GTPBP1: variants seen among roughly 807,000 people sequenced by gnomAD.
GTPBP1 encodes the protein GTP binding protein 1.
GTPBP1 carries 23 observed loss-of-function variants against 62.0 expected under a neutral mutation model. That is an observed-to-expected ratio of 0.37 (90% confidence interval 0.27 to 0.53). The LOEUF (loss-of-function observed/expected upper bound fraction) is 0.53, where lower values mean the gene tolerates loss of function less well. GTPBP1 is among the 20% of genes least tolerant of loss of function. The pLI, the probability that GTPBP1 is intolerant of heterozygous loss-of-function variation, is 0.89. For missense variants in GTPBP1, 640 were observed against 917.3 expected, an observed-to-expected ratio of 0.70 and a Z score of 3.90; for synonymous variants, 344 against 364.4, an observed-to-expected ratio of 0.94 and a Z score of 0.64.
chr22:38,714,303 A>AC (rs1235142339), intron 2 of GTPBP1, among the ~76,000 whole-genome samples: 4 of 151,654 alleles, frequency 2.6e-5, no homozygotes, highest in African/African-American at 9.7e-5. Context: ...GCATGGTGAA[A>AC]CCCCGTCTCT....
chr22:38,711,883 T>C (rs2092642487), intron 2 of GTPBP1, among the ~76,000 whole-genome samples: 1 of 151,842 alleles, frequency 6.6e-6, no homozygotes, highest in African/African-American at 2.4e-5. Context: ...ATTTTAAAAT[T>C]ATTATTATTA....
rs1337026696 is a variant in GTPBP1 at position 38,731,013 on chromosome 22, TG to T, written c.*310del. 1.5e-3 allele frequency: 254 copies of T among 170,344 alleles called. No individual in the cohort carries two copies. The highest frequency in any genetic ancestry group is 0.01 in the African/African-American group (243 of 23,728). The allele number at this position is 170,344 out of a possible 1,614,324, so 10.6% of individuals were successfully genotyped here. On this transcript the variant is annotated 3_prime_UTR_variant, in exon 12 of 12. Transcript: ENST00000216044. ...TATATGTCTCTGTCTCTCTCTATTG[TG>T]TGTGTGTGTGTGTGTGTGTGTGTGT...
At chr22:38,719,453 G>A (rs1176139570) in intron 4 of GTPBP1, among the ~76,000 whole-genome samples, 4 of 152,038 alleles carry the variant, frequency 2.6e-5, no homozygotes, top group African/African-American at 7.2e-5. Context: ...GACCACAGGC[G>A]TGCACAACCA....
chr22:38,705,960 C>T lies in GTPBP1; in HGVS notation c.5C>T (p.Ala2Val). ...AATTAGCCTAAGTTATTAAAGATGG[C>T]GACGGAGCGCAGTCGCTCCGCGATG... M[A>V]TERSRSAMDS... The change falls in exon 1 of 12, where the codon GCG becomes GTG. Residue 2 changes from alanine to valine, a missense_variant. Ala to Val is a moderately conservative substitution (Grantham distance 64, BLOSUM62 0). Transcript: ENST00000216044. 3 of 1,436,776 alleles carry T rather than the reference C, an allele frequency of 2.1e-6. No homozygotes were observed. Among genetic ancestry groups the T allele is most frequent in the Admixed American group, 2.5e-5 (1 of 40,632 alleles). The allele number at this position is 1,436,776 out of a possible 1,614,324, so 89.0% of individuals were successfully genotyped here.
chr22:38,739,300 G>A (rs376915922), downstream of GTPBP1: 127 of 1,597,136 alleles, frequency 8.0e-5, no homozygotes, highest in African/African-American at 1.4e-3. The surrounding 1 kb of genome is among the most constrained non-coding windows in gnomAD (Gnocchi z 6.7). Context: ...CGGCCATTGC[G>A]GGGTCCAGGA....
chr22:38,715,147 C>T (rs546896124), intron 2 of GTPBP1, among the ~76,000 whole-genome samples: 3 of 152,340 alleles, frequency 2.0e-5, no homozygotes, highest in Middle Eastern at 6.8e-3. Context: ...TTACTGGTCT[C>T]TCACTTGCTG....
chr22:38,707,594 A>G (rs1342426882), intron 1 of GTPBP1, among the ~76,000 whole-genome samples: 1 of 152,236 alleles, frequency 6.6e-6, no homozygotes, highest in Non-Finnish European at 1.5e-5. Context: ...TTACAAGATT[A>G]TGGACCTGAC....
chr22:38,740,971 A>G (rs1453579360), downstream of GTPBP1: 1 of 1,572,922 alleles, frequency 6.4e-7, no homozygotes, highest in South Asian at 1.2e-5. The surrounding 1 kb of genome is among the most constrained non-coding windows in gnomAD (Gnocchi z 4.8). Context: ...GGGGCTGGGG[A>G]GGAGCAGGCC....
intron 2 of GTPBP1, among the ~76,000 whole-genome samples, chr22:38,715,384 T>A (rs1444854613): frequency 6.6e-6 from 1 of 152,170 alleles, no homozygotes; most frequent in African/African-American, 2.4e-5. Flanking sequence ...GAACTTGCCA[T>A]GATCTGCCAC....
chr22:38,730,908 AT>A lies in GTPBP1; in HGVS notation c.*205del. ...TAGCCAGACTTCCGGAGGACTGACC[AT>A]CTCTCACTGTCCTCCCCACCTTCTT... On this transcript the variant is annotated 3_prime_UTR_variant, in exon 12 of 12. Coordinates refer to ENST00000216044, the MANE Select transcript of GTPBP1 (RefSeq NM_004286.5). The surrounding 1 kb of genome is among the most constrained non-coding windows in gnomAD (Gnocchi z 5.6). 1 of 541,028 alleles carries A rather than the reference AT, an allele frequency of 1.8e-6. No individual in the cohort carries two copies. The highest frequency in any genetic ancestry group is 3.3e-6 in the Non-Finnish European group (1 of 306,674). 33.5% of individuals were successfully genotyped at this position (541,028 alleles called of 1,614,324 possible). A position where few individuals can be genotyped will look rare whatever the true frequency, so the allele number is the denominator to read the frequency against.
At chr22:38,718,719 CT>C (rs1435796947) in intron 4 of GTPBP1, among the ~76,000 whole-genome samples, 2 of 152,138 alleles carry the variant, frequency 1.3e-5, no homozygotes, top group African/African-American at 2.4e-5. Flanking sequence ...ATCATGGCAG[CT>C]TTTCTTTCAA....
chr22:38,740,200 G>A (rs2092842815), downstream of GTPBP1: 15 of 1,454,150 alleles, frequency 1.0e-5, no homozygotes, highest in South Asian at 2.0e-4. This position sits in a 1 kb window ranked among gnomAD's most constrained non-coding sequence, Gnocchi z 4.8. Context: ...TGCTTTGCAG[G>A]CCCCAGGACA....
downstream of GTPBP1, chr22:38,739,587 C>A (rs981179830): frequency 1.5e-6 from 2 of 1,307,170 alleles, no homozygotes; most frequent in Non-Finnish European, 2.1e-6. This position sits in a 1 kb window ranked among gnomAD's most constrained non-coding sequence, Gnocchi z 6.7. Context: ...CCATGCCAGC[C>A]CCACAGCATG....
intron 5 of GTPBP1, chr22:38,722,890 T>A: frequency 1.5e-6 from 2 of 1,291,482 alleles, no homozygotes; most frequent in Non-Finnish European, 2.3e-6. Flanking sequence ...TCTTCCACGC[T>A]TCGGCCCACT....
Position 38,716,442 on chromosome 22 carries a change from C to T in GTPBP1, c.486-210C>T, listed in dbSNP as rs1450120814. ...GCTAGTGGGAGTTAAGGGAGATAGC[C>T]GCTGTGGGAGTCTGGGCCCTTCTGA... is the stretch of plus-strand genomic sequence containing the variant. On this transcript the variant is annotated intron_variant, in intron 3 of 11. Coordinates refer to ENST00000216044, the MANE Select transcript of GTPBP1 (RefSeq NM_004286.5). This position sits in a 1 kb window ranked among gnomAD's most constrained non-coding sequence, Gnocchi z 5.2. Among the ~76,000 whole-genome samples, 4 of 152,118 alleles carry T rather than the reference C, an allele frequency of 2.6e-5. No individual in the cohort carries two copies. Among genetic ancestry groups the T allele is most frequent in the African/African-American group, 9.7e-5 (4 of 41,418 alleles).
chr22:38,723,987 G>C (rs1197986919), intron 5 of GTPBP1, among the ~76,000 whole-genome samples: 1 of 152,118 alleles, frequency 6.6e-6, no homozygotes, highest in African/African-American at 2.4e-5. Flanking sequence ...AGTGTGAAGT[G>C]AATTGTTTTT....
At chr22:38,740,438 C>T (rs1361520719), downstream of GTPBP1, 3 of 1,486,194 alleles carry the variant, frequency 2.0e-6, no homozygotes, top group Non-Finnish European at 2.7e-6. This position sits in a 1 kb window ranked among gnomAD's most constrained non-coding sequence, Gnocchi z 4.8. Context: ...TCATGCTGGT[C>T]CCAGAGAGAG....
At chr22:38,725,939 G>A (rs2092724287) in intron 6 of GTPBP1, 67 bp from the exon 7 acceptor site, 2 of 1,494,420 alleles carry the variant, frequency 1.3e-6, no homozygotes, top group Non-Finnish European at 1.9e-6. Flanking sequence ...CCTGGTCTGT[G>A]TCAGGGCAGG....
chr22:38,706,219 G>C (rs1459280969), intron 1 of GTPBP1, 72 bp downstream of exon 1: 7 of 1,001,132 alleles, frequency 7.0e-6, no homozygotes, highest in Non-Finnish European at 9.0e-6. Context: ...GGGCGACGGC[G>C]GGGCCAGCGG....
Sources: allele counts gnomAD v4.1 joint callset (sites outside exome capture counted in the v4.1 genomes callset), GRCh38; gene constraint gnomAD v4.1.1; non-coding constraint Gnocchi (gnomAD v3.1); transcripts MANE v1.5; gene names NCBI Gene and HGNC (gene_info 2026-07-23, HGNC 2026-07-21).